EML6: variants seen among roughly 807,000 people sequenced by gnomAD.
The protein encoded by EML6 is echinoderm microtubule-associated protein-like 6.
A neutral mutation model predicts 240.1 loss-of-function variants in EML6; 154 were observed. The observed-to-expected ratio is 0.64, with a 90% confidence interval of 0.56 to 0.73. EML6 has a LOEUF of 0.73. Among genes scored for constraint, EML6 ranks in the 30% least tolerant of loss-of-function variants. EML6 has a pLI of 0.00. For missense variants in EML6, 2,964 were observed against 2,474.6 expected (o/e 1.20, Z -4.20); for synonymous variants, 1,148 against 899.0 (o/e 1.28, Z -4.95).
chr2:54,895,437 C>G (rs1672713029), intron 21 of EML6, 37 bp downstream of exon 21: 2 of 1,548,918 alleles, frequency 1.3e-6, no homozygotes, highest in African/African-American at 1.4e-5. Flanking sequence ...CAGTTCACAT[C>G]AAGGCTGGGA....
chr2:54,742,776 C>CT (rs1683713539), intron 2 of EML6, among the ~76,000 whole-genome samples: 1 of 152,170 alleles, frequency 6.6e-6, no homozygotes, highest in Admixed American at 6.5e-5. Flanking sequence ...ATATAAGGAG[C>CT]TTTGCAAAGT....
At chr2:54,761,182 T>C (rs1667964775) in intron 2 of EML6, among the ~76,000 whole-genome samples, 1 of 152,146 alleles carries the variant, frequency 6.6e-6, no homozygotes, top group East Asian at 1.9e-4. Flanking sequence ...GAATATGATT[T>C]TAAACAGACT....
chr2:54,868,192 C>A (rs550194305), intron 14 of EML6: 9 of 152,062 alleles, frequency 5.9e-5, no homozygotes, highest in African/African-American at 1.9e-4. Context: ...TCTAATATGG[C>A]AACAAATTTT....
At chr2:54,965,876 T>G (rs551021585) in intron 38 of EML6, among the ~76,000 whole-genome samples, 2 of 152,372 alleles carry the variant, frequency 1.3e-5, no homozygotes, top group Non-Finnish European at 2.9e-5. Context: ...AAAGGCAATC[T>G]GGTCCCCAGG....
intron 25 of EML6, among the ~76,000 whole-genome samples, chr2:54,916,430 G>A (rs994136994): frequency 2.0e-5 from 3 of 152,200 alleles, no homozygotes; most frequent in South Asian, 2.1e-4. Context: ...CAGTGCTGGC[G>A]TTGGGGAATC....
chr2:54,892,747 A>C, intron 19 of EML6, 91 bp downstream of exon 19: 2 of 904,754 alleles, frequency 2.2e-6, no homozygotes, highest in South Asian at 3.5e-5. Context: ...GCCTGTATCT[A>C]AAACAGGCCT....
At chr2:54,811,602 A>G (rs899632472) in intron 2 of EML6, among the ~76,000 whole-genome samples, 2 of 152,164 alleles carry the variant, frequency 1.3e-5, no homozygotes, top group East Asian at 1.9e-4. Flanking sequence ...TTATATGTCT[A>G]TGGTACTGTC....
At chr2:54,868,054 A>G (rs1196213911) in intron 14 of EML6, 3 of 152,212 alleles carry the variant, frequency 2.0e-5, no homozygotes, top group Non-Finnish European at 2.9e-5. Flanking sequence ...ATGCACACCA[A>G]TTTTGAAGAC....
At chr2:54,804,324 G>A (rs1331068660) in intron 2 of EML6, among the ~76,000 whole-genome samples, 1 of 152,352 alleles carries the variant, frequency 6.6e-6, no homozygotes, top group South Asian at 2.1e-4. Context: ...TGCTTAAAGA[G>A]AGGAGGAAAA....
chr2:54,934,044 G>A (rs78093089), intron 28 of EML6, among the ~76,000 whole-genome samples: 293 of 152,288 alleles, frequency 1.9e-3, no homozygotes, highest in African/African-American at 6.4e-3. Flanking sequence ...CTGGTCCATA[G>A]CGTATTGTCT....
intron 28 of EML6, among the ~76,000 whole-genome samples, chr2:54,938,604 A>G (rs1480856514): frequency 1.3e-5 from 2 of 152,236 alleles, no homozygotes; most frequent in Non-Finnish European, 2.9e-5. Context: ...ATAAGTAACT[A>G]CTACAAAACA....
At chr2:54,967,125 C>T in intron 39 of EML6, 22 bp downstream of exon 39, 15 of 1,505,662 alleles carry the variant, frequency 1.0e-5, no homozygotes, top group Non-Finnish European at 1.4e-5. Flanking sequence ...GAAGAAAAAA[C>T]TTGAGGAAAA....
At chr2:54,938,785 T>C (rs905035093) in intron 28 of EML6, among the ~76,000 whole-genome samples, 6 of 152,198 alleles carry the variant, frequency 3.9e-5, no homozygotes, top group Admixed American at 2.0e-4. Context: ...AAGATTTTGT[T>C]TGTCTTTGTT....
At chr2:54,911,170 T>A in intron 25 of EML6, 128 bp downstream of exon 25, 1 of 521,964 alleles carries the variant, frequency 1.9e-6, no homozygotes, top group Non-Finnish European at 3.5e-6. Context: ...TGATCGTGTC[T>A]TCAATCTGAT....
At chr2:54,937,033 A>G (rs1001389694) in intron 28 of EML6, among the ~76,000 whole-genome samples, 2 of 145,962 alleles carry the variant, frequency 1.4e-5, no homozygotes, top group Non-Finnish European at 3.0e-5. Context: ...TAATCCCAGC[A>G]CTGTGGGAGG....
At chr2:54,857,407 T>C (rs989815427) in intron 11 of EML6, among the ~76,000 whole-genome samples, 3 of 152,176 alleles carry the variant, frequency 2.0e-5, no homozygotes, top group Non-Finnish European at 4.4e-5. Context: ...GAAAGCCTTA[T>C]GAGAGACAGG....
At chr2:54,895,047 A>G (rs1558660240) in intron 20 of EML6, 21 bp downstream of exon 20, 10 of 1,503,998 alleles carry the variant, frequency 6.6e-6, no homozygotes, top group Non-Finnish European at 9.1e-6. Flanking sequence ...CAAACATGTA[A>G]TAGAGATCTT....
Position 54,863,990 on chromosome 2 carries a change from A to C in EML6, c.1932+101A>C, listed in dbSNP as rs889887860. The C allele has an allele frequency of 5.0e-5, 32 of 640,484 alleles. No individual in the cohort carries two copies. The African/African-American group carries it at 5.7e-4, about 11-fold the overall frequency. The allele number at this position is 640,484 out of a possible 1,614,324, so 39.7% of individuals were successfully genotyped here. ...AAATGACTGGCACTTAGACAAAGAG[A>C]ATTGAGGCAAAAACAAGAAAAATAG... On this transcript the variant is annotated intron_variant, in intron 13 of 41. Coordinates refer to ENST00000356458, the MANE Select transcript of EML6 (RefSeq NM_001039753.4).
At chr2:54,837,597 T>C (rs1462638641) in intron 7 of EML6, among the ~76,000 whole-genome samples, 1 of 152,198 alleles carries the variant, frequency 6.6e-6, no homozygotes, top group Non-Finnish European at 1.5e-5. Flanking sequence ...CTTTGGGCTT[T>C]CCGATCCAGT....
Sources: gnomAD v4.1 joint callset for allele counts (sites outside exome capture counted in the v4.1 genomes callset) on GRCh38, gnomAD v4.1.1 for gene constraint, MANE v1.5 for transcripts, NCBI Gene and HGNC (gene_info 2026-07-23, HGNC 2026-07-21) for gene names.